The following GALNT7 variants were observed in gnomAD, a reference collection of about 807,000 sequenced individuals.
GALNT7 encodes the protein polypeptide N-acetylgalactosaminyltransferase 7, also known as N-acetylgalactosaminyltransferase 7.
A neutral mutation model predicts 82.1 loss-of-function variants in GALNT7; 60 were observed. That is an observed-to-expected ratio of 0.73 (90% CI 0.59 to 0.91). The LOEUF is 0.91. Among genes scored for constraint, GALNT7 ranks in the 40% least tolerant of loss-of-function variants. The pLI is 0.00. For missense variants in GALNT7, 660 were observed against 804.2 expected (o/e 0.82, Z 2.17); for synonymous variants, 243 against 275.1 (o/e 0.88, Z 1.15).
At chr4:173,271,285 T>C (rs1011498041) in intron 2 of GALNT7, among the ~76,000 whole-genome samples, 4 of 152,170 alleles carry the variant, frequency 2.6e-5, no homozygotes, top group African/African-American at 9.7e-5. Flanking sequence ...AGAGTAATGT[T>C]CCATTCACTT....
At chr4:173,173,800 T>G (rs1041850420) in intron 1 of GALNT7, among the ~76,000 whole-genome samples, 4 of 152,178 alleles carry the variant, frequency 2.6e-5, no homozygotes, top group African/African-American at 9.7e-5. Context: ...GTGTATATAA[T>G]AGGACTAATT....
At chr4:173,205,261 G>A (rs182479411) in intron 1 of GALNT7, among the ~76,000 whole-genome samples, 5 of 152,098 alleles carry the variant, frequency 3.3e-5, no homozygotes, top group East Asian at 3.9e-4. Flanking sequence ...ACCACGTACT[G>A]GGATGGGCCT....
At chr4:173,250,026 G>A (rs1478956298) in intron 2 of GALNT7, among the ~76,000 whole-genome samples, 1 of 152,180 alleles carries the variant, frequency 6.6e-6, no homozygotes, top group Non-Finnish European at 1.5e-5. Flanking sequence ...CTGGGACTTA[G>A]TATAAAGTTA....
chr4:173,197,944 C>T (rs1207503120), intron 1 of GALNT7, among the ~76,000 whole-genome samples: 1 of 152,222 alleles, frequency 6.6e-6, no homozygotes, highest in East Asian at 1.9e-4. Flanking sequence ...GCCCCTCTCC[C>T]AGGGCTGCCA....
intron 2 of GALNT7, among the ~76,000 whole-genome samples, chr4:173,287,909 G>A (rs781150128): frequency 6.6e-6 from 1 of 152,156 alleles, no homozygotes; most frequent in South Asian, 2.1e-4. Context: ...CCCAGAGAAT[G>A]GGACCAATTG....
At chr4:173,252,447 C>A (rs983115658) in intron 2 of GALNT7, among the ~76,000 whole-genome samples, 2 of 152,194 alleles carry the variant, frequency 1.3e-5, no homozygotes, top group African/African-American at 4.8e-5. Context: ...TTCGTTCTTG[C>A]GGCTGTTGTG....
intron 2 of GALNT7, among the ~76,000 whole-genome samples, chr4:173,282,630 C>T (rs1206623483): frequency 6.6e-6 from 1 of 152,044 alleles, no homozygotes; most frequent in East Asian, 1.9e-4. Context: ...GGATTCCTCC[C>T]GAGGCTGGTT....
chr4:173,267,173 C>A (rs1203835845), intron 2 of GALNT7, among the ~76,000 whole-genome samples: 3 of 152,002 alleles, frequency 2.0e-5, no homozygotes, highest in Non-Finnish European at 4.4e-5. Flanking sequence ...ATGCATGTAT[C>A]CATATATCAC....
chr4:173,198,069 T>C lies in GALNT7; in HGVS notation c.126+29108T>C, dbSNP rs560634292. On this transcript the variant is annotated intron_variant, in intron 1 of 11. Coordinates refer to ENST00000265000, the MANE Select transcript of GALNT7 (RefSeq NM_017423.3). ...CTGATTTTACTTGGATTGTTTCTTTTTTTTTTTTGAGACGGAGTCTCGCTC... is the reference window on the plus strand; with the variant it reads ...CTGATTTTACTTGGATTGTTTCTTTCTTTTTTTTGAGACGGAGTCTCGCTC... Among the ~76,000 whole-genome samples the C allele has an allele frequency of 5.2e-3, 794 of 151,924 alleles. 9 individuals are homozygous for C. The highest frequency in any genetic ancestry group is 0.018 in the African/African-American group (764 of 41,482).
At position 173,323,647 on chromosome 4, in the gene GALNT7, A is replaced by G. The variant is rs1213705509; in HGVS notation, c.*1930A>G. On this transcript the variant is annotated 3_prime_UTR_variant, in exon 12 of 12. Coordinates refer to ENST00000265000, the MANE Select transcript of GALNT7 (RefSeq NM_017423.3). Reference sequence around the variant, plus strand: ...GCAATTCGTTAAAAGAAGATACTCTATGAATATGATTCTATATATTGAAAT... The same window carrying G: ...GCAATTCGTTAAAAGAAGATACTCTGTGAATATGATTCTATATATTGAAAT... 6.6e-6 allele frequency: 1 copy of G among 152,594 alleles called. No individual in the cohort carries two copies. Among genetic ancestry groups the G allele is most frequent in the Non-Finnish European group, 1.5e-5 (1 of 68,008 alleles). The allele number at this position is 152,594 out of a possible 1,614,324, so 9.5% of individuals were successfully genotyped here. A position where few individuals can be genotyped will look rare whatever the true frequency, so the allele number is the denominator to read the frequency against.
chr4:173,180,809 A>G (rs1189556563), intron 1 of GALNT7, among the ~76,000 whole-genome samples: 10 of 152,204 alleles, frequency 6.6e-5, no homozygotes, highest in African/African-American at 2.4e-4. Context: ...CTGGCAGTTC[A>G]GTATTTTGCC....
intron 8 of GALNT7, among the ~76,000 whole-genome samples, chr4:173,309,766 A>G (rs957701348): frequency 6.6e-6 from 1 of 152,212 alleles, no homozygotes; most frequent in Non-Finnish European, 1.5e-5. Flanking sequence ...CATTGGCCAA[A>G]TGAAGCCCCA....
Position 173,318,475 on chromosome 4 carries a change from G to A in GALNT7, c.1752G>A (p.Gln584=). 6.2e-7 allele frequency: 1 copy of A among 1,601,556 alleles called. No homozygotes were observed. Among genetic ancestry groups the A allele is most frequent in the Non-Finnish European group, 8.5e-7 (1 of 1,169,720 alleles). The change falls in exon 11 of 12, where the codon CAG becomes CAA. Residue 584 remains glutamine (Q), a synonymous_variant. Transcript: ENST00000265000. ...NEANQLMQYD[Q]CLTKGADGSK... ...CAAATCAACTCATGCAGTATGACCA[G>A]TGTTTGACAAAGGGAGCTGATGGAT...
intron 8 of GALNT7, among the ~76,000 whole-genome samples, chr4:173,305,655 G>C (rs1737128941): frequency 6.6e-6 from 1 of 152,214 alleles, no homozygotes; most frequent in Admixed American, 6.5e-5. Flanking sequence ...TGAAGAGACT[G>C]TGTTTTCCCT....
At chr4:173,178,436 C>T (rs1732143550) in intron 1 of GALNT7, among the ~76,000 whole-genome samples, 1 of 152,150 alleles carries the variant, frequency 6.6e-6, no homozygotes, top group Non-Finnish European at 1.5e-5. Context: ...ACTGAGACAA[C>T]ATGAACTGCA....
intron 2 of GALNT7, among the ~76,000 whole-genome samples, chr4:173,289,073 G>T (rs1410384686): frequency 6.6e-6 from 1 of 152,104 alleles, no homozygotes; most frequent in Non-Finnish European, 1.5e-5. Flanking sequence ...GCACCCTGAC[G>T]GCTGTCGGGG....
At chr4:173,215,419 C>T (rs542230666) in intron 1 of GALNT7, among the ~76,000 whole-genome samples, 8 of 151,972 alleles carry the variant, frequency 5.3e-5, no homozygotes, top group Admixed American at 3.3e-4. Flanking sequence ...TTAGTAGAGA[C>T]GGGGGTTCAC....
intron 6 of GALNT7, among the ~76,000 whole-genome samples, chr4:173,298,703 C>T (rs996268561): frequency 8.5e-5 from 13 of 152,206 alleles, no homozygotes; most frequent in African/African-American, 2.7e-4. Flanking sequence ...TTTATTTCCA[C>T]GTTCATGCCG....
At chr4:173,178,052 TGCGCGCACGC>T (rs71606495) in intron 1 of GALNT7, among the ~76,000 whole-genome samples, 111 of 129,508 alleles carry the variant, frequency 8.6e-4, no homozygotes, top group African/African-American at 3.1e-3. Flanking sequence ...TGTGTGTGTG[TGCGCGCACGC>T]GCGTGCGCAC....
Sources: allele counts gnomAD v4.1 joint callset (sites outside exome capture counted in the v4.1 genomes callset), GRCh38; gene constraint gnomAD v4.1.1; transcripts MANE v1.5; gene names NCBI Gene and HGNC (gene_info 2026-07-23, HGNC 2026-07-21).